The following ZNF385D variants were observed in gnomAD, a reference collection of about 807,000 sequenced individuals.
ZNF385D encodes the protein zinc finger protein 385D.
A neutral mutation model predicts 35.8 loss-of-function variants in ZNF385D; 15 were observed. The ratio of observed to expected loss-of-function variants is 0.42; its 90% CI spans 0.28 to 0.64. The LOEUF is 0.64. Among genes scored for constraint, ZNF385D ranks in the 30% least tolerant of loss-of-function variants. The pLI, the probability that ZNF385D is intolerant of heterozygous loss-of-function variation, is 0.23. For missense variants in ZNF385D, 474 were observed against 494.6 expected (o/e 0.96, Z 0.39); for synonymous variants, 212 against 186.8 (o/e 1.13, Z -1.10).
intron 2 of ZNF385D, among the ~76,000 whole-genome samples, chr3:22,257,758 TA>T (rs1465367579): frequency 6.6e-6 from 1 of 151,752 alleles, no homozygotes; most frequent in East Asian, 1.9e-4. Context: ...TGCAAATAAG[TA>T]GGGTAAAACT....
intron 3 of ZNF385D, among the ~76,000 whole-genome samples, chr3:22,001,078 A>C (rs1222916024): frequency 6.6e-6 from 1 of 152,168 alleles, no homozygotes; most frequent in East Asian, 1.9e-4. Context: ...AGAGGAAAAA[A>C]GGAACAAAAG....
At chr3:22,264,608 A>G (rs1455608025) in intron 2 of ZNF385D, among the ~76,000 whole-genome samples, 1 of 151,954 alleles carries the variant, frequency 6.6e-6, no homozygotes, top group East Asian at 1.9e-4. Flanking sequence ...ATGTATAACC[A>G]TATGCGGTGA....
chr3:21,775,531 G>T (rs1289037066), intron 3 of ZNF385D, among the ~76,000 whole-genome samples: 1 of 151,872 alleles, frequency 6.6e-6, no homozygotes, highest in Non-Finnish European at 1.5e-5. Context: ...GCTCTGAGAA[G>T]TTGAACTCCT....
intron 3 of ZNF385D, among the ~76,000 whole-genome samples, chr3:21,529,156 A>G (rs1213494173): frequency 6.6e-6 from 1 of 152,162 alleles, no homozygotes; most frequent in Non-Finnish European, 1.5e-5. Flanking sequence ...TATGGTTGGC[A>G]TAACTAGTTT....
Position 22,329,885 on chromosome 3 carries a change from G to T in ZNF385D, c.106+42565C>A, listed in dbSNP as rs116126160. ...TTTTGAATCAAGTCCTTGAAATATG[G>T]TATGTGTTTTACACTTATCGCACAT... is the stretch of plus-strand genomic sequence containing the variant. On this transcript the variant is annotated intron_variant, in intron 2 of 5. Transcript: ENST00000494108. Among the ~76,000 whole-genome samples the T allele has an allele frequency of 2.5e-3, 385 of 152,206 alleles. 2 individuals are homozygous for T. Among genetic ancestry groups the T allele is most frequent in the African/African-American group, 9.0e-3 (372 of 41,526 alleles).
chr3:21,712,135 C>T (rs2068133396), intron 1 of ZNF385D, among the ~76,000 whole-genome samples: 1 of 152,136 alleles, frequency 6.6e-6, no homozygotes, highest in East Asian at 1.9e-4. Flanking sequence ...TAATGATTCC[C>T]CAAACTTGCT....
chr3:22,110,960 AGT>A (rs1470056499), intron 3 of ZNF385D, among the ~76,000 whole-genome samples: 1 of 151,940 alleles, frequency 6.6e-6, no homozygotes, highest in Non-Finnish European at 1.5e-5. Context: ...GATTTTGAAA[AGT>A]GATGTCTGAA....
At chr3:21,897,174 CTGAGA>C (rs1699180998) in intron 3 of ZNF385D, among the ~76,000 whole-genome samples, 2 of 152,064 alleles carry the variant, frequency 1.3e-5, no homozygotes, top group Non-Finnish European at 2.9e-5. Context: ...TTTTTACTAC[CTGAGA>C]TAAGAATGCT....
intron 3 of ZNF385D, among the ~76,000 whole-genome samples, chr3:21,782,649 C>G (rs1029116367): frequency 1.3e-5 from 2 of 152,014 alleles, no homozygotes; most frequent in African/African-American, 4.8e-5. Context: ...AAAAACACGC[C>G]TAATATACAT....
chr3:22,064,151 G>A (rs773757702), intron 3 of ZNF385D, among the ~76,000 whole-genome samples: 7 of 152,156 alleles, frequency 4.6e-5, no homozygotes, highest in Admixed American at 1.3e-4. Flanking sequence ...GGAATTGTTG[G>A]TCCTCAGAAG....
intron 3 of ZNF385D, among the ~76,000 whole-genome samples, chr3:21,979,264 A>G (rs539019237): frequency 1.3e-5 from 2 of 152,200 alleles, no homozygotes; most frequent in Non-Finnish European, 2.9e-5. Context: ...GGGGAAAAAA[A>G]CCCACAAAAT....
intron 3 of ZNF385D, among the ~76,000 whole-genome samples, chr3:21,981,853 G>C (rs1480441265): frequency 6.6e-6 from 1 of 152,066 alleles, no homozygotes; most frequent in Non-Finnish European, 1.5e-5. Context: ...TGTCAGCTTT[G>C]TTGACGATCA....
intron 2 of ZNF385D, among the ~76,000 whole-genome samples, chr3:22,365,734 T>G (rs1306267042): frequency 6.6e-6 from 1 of 152,096 alleles, no homozygotes; most frequent in Non-Finnish European, 1.5e-5. Flanking sequence ...TTGATATAGT[T>G]TCTTTTGTAC....
At chr3:22,013,334 T>C (rs1445017440) in intron 3 of ZNF385D, among the ~76,000 whole-genome samples, 1 of 152,192 alleles carries the variant, frequency 6.6e-6, no homozygotes, top group Non-Finnish European at 1.5e-5. Flanking sequence ...TGAAGTTAGA[T>C]ATTTTCACTT....
At chr3:21,446,610 C>T (rs1702168925) in intron 4 of ZNF385D, among the ~76,000 whole-genome samples, 1 of 150,122 alleles carries the variant, frequency 6.7e-6, no homozygotes, top group African/African-American at 2.5e-5. Flanking sequence ...TCTTCTGCCT[C>T]AGCCTCCTGA....
chr3:21,742,824 T>G (rs1237775142), intron 1 of ZNF385D, among the ~76,000 whole-genome samples: 1 of 152,184 alleles, frequency 6.6e-6, no homozygotes, highest in Non-Finnish European at 1.5e-5. Flanking sequence ...TACCAAATTA[T>G]CTACATTAAA....
chr3:22,088,480 A>T (rs1318390731), intron 3 of ZNF385D, among the ~76,000 whole-genome samples: 1 of 152,164 alleles, frequency 6.6e-6, no homozygotes. Flanking sequence ...AAAGATGTGT[A>T]TGGATGAATC....
intron 2 of ZNF385D, among the ~76,000 whole-genome samples, chr3:22,232,920 C>A (rs780987249): frequency 6.6e-6 from 1 of 152,122 alleles, no homozygotes; most frequent in Non-Finnish European, 1.5e-5. Context: ...CTTTTTAGTT[C>A]ATCTTAACTT....
In ZNF385D at chr3:21,589,918, T is replaced by G. The variant is rs12631908; in HGVS notation, c.166-25234A>C. On this transcript the variant is annotated intron_variant, in intron 2 of 7. Coordinates refer to ENST00000281523, the MANE Select transcript of ZNF385D (RefSeq NM_024697.3). The stretch of plus-strand genomic sequence containing the variant: ...TGGGAGTAAAAATTAGTAGCACTCT[T>G]TGGTAACTTCTACTGAAGTCATGAT... 1.1e-4 allele frequency among the ~76,000 whole-genome samples: 16 copies of G among 152,246 alleles called. No homozygotes were observed. In the East Asian group the frequency reaches 2.9e-3, roughly 28 times the overall value.
Sources: allele counts gnomAD v4.1 joint callset (sites outside exome capture counted in the v4.1 genomes callset), GRCh38; gene constraint gnomAD v4.1.1; transcripts MANE v1.5; gene names NCBI Gene and HGNC (gene_info 2026-07-23, HGNC 2026-07-21).